Variants in DGKE observed in about 807,000 individuals in gnomAD.
The protein encoded by DGKE is DAG kinase epsilon.
Under a neutral mutation model 70.0 loss-of-function variants are expected in DGKE, and 53 were observed. The ratio of observed to expected loss-of-function variants is 0.76; its 90% CI spans 0.61 to 0.95. The LOEUF (loss-of-function observed/expected upper bound fraction) is 0.95, where lower values mean the gene tolerates loss of function less well. Among genes scored for constraint, DGKE ranks in the 40% least tolerant of loss-of-function variants. DGKE has a pLI of 0.00. For synonymous variants in DGKE, 291 were observed against 257.0 expected, an observed-to-expected ratio of 1.13 and a Z score of -1.27; for missense variants, 655 against 706.9, an observed-to-expected ratio of 0.93 and a Z score of 0.83.
rs312262695 is a variant in DGKE, at chr17:56,847,995, G to T, written c.818G>T (p.Arg273Leu). 6.2e-7 allele frequency: 1 copy of T among 1,610,054 alleles called. No homozygotes were observed. Among genetic ancestry groups the T allele is most frequent in the East Asian group, 2.2e-5 (1 of 44,720 alleles). ...LCTLLPYYSA[R>L]VLVCGGDGTV... Reference sequence around the variant, plus strand: ...ACTCTTCTCCCATATTATTCAGCTCGAGTACTTGTTTGTGGAGGGGATGGG... The same window carrying T: ...ACTCTTCTCCCATATTATTCAGCTCTAGTACTTGTTTGTGGAGGGGATGGG... Residue 273 changes from arginine (R) to leucine (L), a missense_variant, in exon 5 of 12, where the codon CGA (arginine) becomes CTA (leucine). By Grantham distance (102) the Arg-to-Leu change is moderately radical. Transcript: ENST00000284061.
intron 3 of DGKE, among the ~76,000 whole-genome samples, chr17:56,845,330 G>A (rs1459407658): frequency 6.6e-6 from 1 of 152,108 alleles, no homozygotes; most frequent in Non-Finnish European, 1.5e-5. Flanking sequence ...TTCTGTGAAT[G>A]GTTGAAAGTT....
chr17:56,849,871 G>A (rs1435289768), intron 7 of DGKE, among the ~76,000 whole-genome samples: 1 of 152,160 alleles, frequency 6.6e-6, no homozygotes, highest in Non-Finnish European at 1.5e-5. Flanking sequence ...ACAAGAAGTT[G>A]GACGTTTAGG....
At chr17:56,849,046 C>T in intron 6 of DGKE, 135 bp from the exon 7 acceptor site, 1 of 1,164,648 alleles carries the variant, frequency 8.6e-7, no homozygotes, top group South Asian at 1.6e-5. Context: ...AGTACTTATC[C>T]CTAAATTTGC....
At chr17:56,840,796 G>A (rs1165189324) in intron 2 of DGKE, among the ~76,000 whole-genome samples, 1 of 152,138 alleles carries the variant, frequency 6.6e-6, no homozygotes. Flanking sequence ...TGGGAGGGGG[G>A]GGAATAACTA....
chr17:56,849,410 G>A (rs1220061898), intron 7 of DGKE, among the ~76,000 whole-genome samples, 178 bp downstream of exon 7: 1 of 152,154 alleles, frequency 6.6e-6, no homozygotes, highest in Non-Finnish European at 1.5e-5. Context: ...GAGAGAACAG[G>A]GTGCAGGTAT....
intron 5 of DGKE, 31 bp from the exon 6 acceptor site, chr17:56,848,665 A>T: frequency 6.2e-7 from 1 of 1,601,750 alleles, no homozygotes; most frequent in African/African-American, 1.3e-5. Flanking sequence ...AGTCTGAGAG[A>T]AAAATCTAAA....
chr17:56,848,587 G>C, intron 5 of DGKE, 109 bp from the exon 6 acceptor site: 1 of 1,103,472 alleles, frequency 9.1e-7, no homozygotes, highest in Non-Finnish European at 1.3e-6. Flanking sequence ...ACAACATACA[G>C]TTGTTATATT....
intron 7 of DGKE, among the ~76,000 whole-genome samples, chr17:56,853,513 C>T (rs1005648579): frequency 2.0e-5 from 3 of 152,152 alleles, no homozygotes; most frequent in Admixed American, 1.3e-4. Flanking sequence ...CATTGTTCTG[C>T]ATGTGGATAT....
intron 11 of DGKE, 180 bp downstream of exon 11, chr17:56,862,431 T>C (rs1908352395): frequency 5.8e-6 from 5 of 858,970 alleles, no homozygotes; most frequent in Non-Finnish European, 8.7e-6. Flanking sequence ...TCAAGATCCA[T>C]GAGATAAAAC....
At chr17:56,852,601 T>C (rs1002619541) in intron 7 of DGKE, among the ~76,000 whole-genome samples, 2 of 131,308 alleles carry the variant, frequency 1.5e-5, no homozygotes, top group African/African-American at 5.1e-5. Context: ...ATTGCTTTGA[T>C]TTATTTTAAA....
chr17:56,850,736 T>A (rs774784148), intron 7 of DGKE, among the ~76,000 whole-genome samples: 6 of 152,136 alleles, frequency 3.9e-5, no homozygotes, highest in Non-Finnish European at 5.9e-5. Context: ...ACAGCAGTCT[T>A]CAGAAGCCAA....
rs547333797 is a variant in DGKE at position 56,867,600 on chromosome 17, C to G, written c.*4809C>G. On this transcript the variant is annotated 3_prime_UTR_variant, in exon 12 of 12. Coordinates refer to ENST00000284061, the MANE Select transcript of DGKE (RefSeq NM_003647.3). ...CCTGGGCAACAGAGCAAGACTCCAT[C>G]TCAAAAAAAAAAAGGCCGGGCGTGG... 2.0e-5 allele frequency: 3 copies of G among 148,684 alleles called. No individual in the cohort carries two copies. Among genetic ancestry groups the G allele is most frequent in the African/African-American group, 7.4e-5 (3 of 40,392 alleles). The allele number at this position is 148,684 out of a possible 1,614,324, so 9.2% of individuals were successfully genotyped here. A position where few individuals can be genotyped will look rare whatever the true frequency, so the allele number is the denominator to read the frequency against.
intron 2 of DGKE, among the ~76,000 whole-genome samples, chr17:56,836,963 A>C (rs1241008943): frequency 1.3e-5 from 2 of 151,962 alleles, no homozygotes; most frequent in East Asian, 3.9e-4. Flanking sequence ...TTCCTTCAGG[A>C]ACTCTTACCT....
At chr17:56,844,688 T>C (rs1419377479) in intron 3 of DGKE, among the ~76,000 whole-genome samples, 1 of 152,156 alleles carries the variant, frequency 6.6e-6, no homozygotes, top group Non-Finnish European at 1.5e-5. Context: ...TTGAACTTTA[T>C]ACAGGGTCCC....
At chr17:56,846,435 A>G (rs1907291105) in intron 4 of DGKE, 3 of 152,174 alleles carry the variant, frequency 2.0e-5, no homozygotes, top group Non-Finnish European at 4.4e-5. Context: ...GCGAATGGAC[A>G]TTGAGGGATC....
In DGKE at chr17:56,844,069, T is replaced by C; in HGVS notation, c.515T>C (p.Leu172Ser). ...TVHDECMKNS[L>S]KNEKCDFGEF... ...CATGATGAGTGCATGAAAAATAGTTTAAAGAATGAAAAATGTGATTTTGGA... is the reference window on the plus strand; with the variant it reads ...CATGATGAGTGCATGAAAAATAGTTCAAAGAATGAAAAATGTGATTTTGGA... The change falls in exon 3 of 12, where the codon TTA becomes TCA. Residue 172 changes from leucine (L) to serine (S), a missense_variant. Physicochemically the swap from Leu to Ser is moderately radical, Grantham distance 145 (BLOSUM62 -2). Transcript: ENST00000284061. The C allele has an allele frequency of 6.3e-7, 1 of 1,578,636 alleles. No homozygotes were observed. The highest frequency in any genetic ancestry group is 1.2e-5 in the South Asian group (1 of 84,674).
chr17:56,863,327 A>G lies in DGKE; in HGVS notation c.*536A>G, dbSNP rs1908400627. On this transcript the variant is annotated 3_prime_UTR_variant, in exon 12 of 12. Coordinates refer to ENST00000284061, the MANE Select transcript of DGKE (RefSeq NM_003647.3). ...TGTATTGATTTCTAGGAACCCCCAA[A>G]AGGAGAATAGTAAAAAAAGATCATA... 6.6e-6 allele frequency: 1 copy of G among 152,228 alleles called. No individual in the cohort carries two copies. The highest frequency in any genetic ancestry group is 2.4e-5 in the African/African-American group (1 of 41,456). 9.4% of individuals were successfully genotyped at this position (152,228 alleles called of 1,614,324 possible).
Position 56,848,151 on chromosome 17 carries a change from T to TTTG in DGKE, c.888+101_888+103dup, listed in dbSNP as rs1016752901. 91 of 885,506 alleles carry TTTG rather than the reference T, an allele frequency of 1.0e-4. No homozygotes were observed. The African/African-American group carries it at 1.2e-3, about 12-fold the overall frequency. The allele number at this position is 885,506 out of a possible 1,614,324, so 54.9% of individuals were successfully genotyped here. On this transcript the variant is annotated intron_variant, in intron 5 of 11. Coordinates refer to ENST00000284061, the MANE Select transcript of DGKE (RefSeq NM_003647.3). ...ATATATATATGGGTTTTGTTGTTGT[T>TTTG]TTGTTGTTGTTGTTGTTTTTTCTTG... is the stretch of plus-strand genomic sequence containing the variant.
chr17:56,850,114 C>A (rs1046479107), intron 7 of DGKE, among the ~76,000 whole-genome samples: 10 of 151,056 alleles, frequency 6.6e-5, no homozygotes, highest in Non-Finnish European at 1.0e-4. Context: ...AGAACTACAT[C>A]TTTTCTTTTT....
Sources: allele counts gnomAD v4.1 joint callset (sites outside exome capture counted in the v4.1 genomes callset), GRCh38; gene constraint gnomAD v4.1.1; transcripts MANE v1.5; gene names NCBI Gene and HGNC (gene_info 2026-07-23, HGNC 2026-07-21).